Variants in IMMP2L observed in about 807,000 individuals in gnomAD.
The protein encoded by IMMP2L is inner mitochondrial membrane peptidase subunit 2.
A neutral mutation model predicts 19.3 loss-of-function variants in IMMP2L; 18 were observed. The ratio of observed to expected loss-of-function variants is 0.93; its 90% CI spans 0.64 to 1.38. The LOEUF (loss-of-function observed/expected upper bound fraction) is 1.38, where lower values mean the gene tolerates loss of function less well. Ranked by LOEUF, IMMP2L falls within the 40% of genes most tolerant of loss-of-function variation. The pLI is 0.00. For missense variants in IMMP2L, 233 were observed against 218.2 expected (o/e 1.07, Z -0.43); for synonymous variants, 76 against 73.0 (o/e 1.04, Z -0.21).
At chr7:111,344,114 A>G (rs1215068095) in intron 3 of IMMP2L, among the ~76,000 whole-genome samples, 1 of 152,134 alleles carries the variant, frequency 6.6e-6, no homozygotes. Context: ...TTATTTTAAT[A>G]TAGAGCTGTC....
chr7:111,119,235 T>C (rs945501095), intron 3 of IMMP2L, among the ~76,000 whole-genome samples: 21 of 152,186 alleles, frequency 1.4e-4, no homozygotes, highest in African/African-American at 5.1e-4. Context: ...ACCTAGGTTT[T>C]TCCTTCATTC....
chr7:110,977,673 T>TTCC (rs1554479332), intron 3 of IMMP2L, among the ~76,000 whole-genome samples: 1 of 151,938 alleles, frequency 6.6e-6, no homozygotes, highest in Non-Finnish European at 1.5e-5. Context: ...CTCTCTTTCC[T>TTCC]TCCCTCCCTC....
chr7:110,783,513 G>A (rs148073327), intron 5 of IMMP2L, among the ~76,000 whole-genome samples: 13 of 151,718 alleles, frequency 8.6e-5, no homozygotes, highest in African/African-American at 3.1e-4. Context: ...GGATTTTAAA[G>A]AACTGAAAAA....
intron 1 of IMMP2L, among the ~76,000 whole-genome samples, chr7:111,541,480 T>C (rs138208694): frequency 6.6e-6 from 1 of 152,286 alleles, no homozygotes; most frequent in African/African-American, 2.4e-5. Context: ...TAAGCACCAA[T>C]AATAGTAAAT....
intron 3 of IMMP2L, among the ~76,000 whole-genome samples, chr7:111,281,241 AAAG>A (rs1185419125): frequency 2.2e-5 from 3 of 137,452 alleles, no homozygotes; most frequent in East Asian, 4.1e-4. Flanking sequence ...AGAAAGAAAG[AAAG>A]AAGAGAGAGA....
chr7:111,446,795 G>A (rs1350923975), intron 3 of IMMP2L, among the ~76,000 whole-genome samples: 1 of 152,060 alleles, frequency 6.6e-6, no homozygotes, highest in East Asian at 1.9e-4. Flanking sequence ...AGGCAAAGAA[G>A]TTGAAAACTT....
chr7:111,086,362 C>A (rs1027875891), intron 3 of IMMP2L, among the ~76,000 whole-genome samples: 7 of 151,888 alleles, frequency 4.6e-5, no homozygotes, highest in Non-Finnish European at 8.8e-5. Context: ...AACATTTGAG[C>A]CCAGGATTTC....
At chr7:110,823,106 G>GTTTTTAATGTAAT (rs1231738024) in intron 5 of IMMP2L, among the ~76,000 whole-genome samples, 1 of 152,042 alleles carries the variant, frequency 6.6e-6, no homozygotes, top group Non-Finnish European at 1.5e-5. Flanking sequence ...ATGTTTATGA[G>GTTTTTAATGTAAT]TTTTTAATGT....
chr7:111,420,281 ACT>A (rs1388438113), intron 3 of IMMP2L, among the ~76,000 whole-genome samples: 1 of 151,798 alleles, frequency 6.6e-6, no homozygotes, highest in Non-Finnish European at 1.5e-5. Context: ...CTAAGTTGTG[ACT>A]CTGTGAGCAC....
chr7:111,197,336 G>C (rs1166904085), intron 3 of IMMP2L, among the ~76,000 whole-genome samples: 1 of 151,968 alleles, frequency 6.6e-6, no homozygotes, highest in African/African-American at 2.4e-5. Flanking sequence ...GGTGGCGGGC[G>C]CCTGTAGTCC....
chr7:110,815,360 C>T (rs1177044211), intron 5 of IMMP2L, among the ~76,000 whole-genome samples: 7 of 151,910 alleles, frequency 4.6e-5, no homozygotes, highest in South Asian at 2.1e-4. Context: ...CTGCTGGATT[C>T]GGTTTGCCAG....
intron 2 of IMMP2L, among the ~76,000 whole-genome samples, chr7:111,492,640 T>G (rs531053872): frequency 1.8e-4 from 28 of 152,286 alleles, no homozygotes; most frequent in African/African-American, 6.5e-4. Context: ...CTTTCCCTTA[T>G]AGAATCACTC....
chr7:110,744,219 A>C (rs536413612), intron 5 of IMMP2L, among the ~76,000 whole-genome samples: 1 of 152,286 alleles, frequency 6.6e-6, no homozygotes, highest in South Asian at 2.1e-4. Context: ...TGAGCAGGGA[A>C]TCTCTGAAAA....
chr7:110,693,828 T>A (rs1793677498), intron 5 of IMMP2L, among the ~76,000 whole-genome samples: 1 of 152,008 alleles, frequency 6.6e-6, no homozygotes, highest in Non-Finnish European at 1.5e-5. Context: ...CTGAAATCAG[T>A]TTTGTTTTGT....
Position 111,521,456 on chromosome 7 carries a change from A to C in IMMP2L, c.-2-7T>G. The C allele has an allele frequency of 3.8e-6, 6 of 1,589,044 alleles. No homozygotes were observed. Among genetic ancestry groups the C allele is most frequent in the Non-Finnish European group, 5.1e-6 (6 of 1,170,122 alleles). On this transcript the variant is annotated splice_region_variant and splice_polypyrimidine_tract_variant and intron_variant, in intron 1 of 5. Transcript: ENST00000405709. ...CCTTGTGACTGTGCCATACCTAAAA[A>C]TACAAAGAAAACAACTATGAAATTA...
intron 3 of IMMP2L, among the ~76,000 whole-genome samples, chr7:111,200,266 TTAGAA>T (rs1202830149): frequency 6.6e-6 from 1 of 152,128 alleles, no homozygotes; most frequent in Non-Finnish European, 1.5e-5. Flanking sequence ...TTGTCTTTTC[TTAGAA>T]TAAAGCATAA....
chr7:110,945,494 G>A (rs1157187996), intron 4 of IMMP2L, among the ~76,000 whole-genome samples: 1 of 151,850 alleles, frequency 6.6e-6, no homozygotes, highest in Non-Finnish European at 1.5e-5. Flanking sequence ...CATGCCTCAC[G>A]GTAAAGTATC....
Position 110,662,937 on chromosome 7 carries a change from C to T in IMMP2L, c.*665G>A, listed in dbSNP as rs1332709642. 1 of 152,276 alleles carries T rather than the reference C, an allele frequency of 6.6e-6. No homozygotes were observed. Among genetic ancestry groups the T allele is most frequent in the East Asian group, 1.9e-4 (1 of 5,206 alleles). The allele number at this position is 152,276 out of a possible 1,614,324, so 9.4% of individuals were successfully genotyped here. ...CCAATAAGAAAGGCTTGACTGTATG[C>T]AAGTGTCGACAGAATGGGTTCTCCA... On this transcript the variant is annotated 3_prime_UTR_variant, in exon 6 of 6. Coordinates refer to ENST00000405709, the MANE Select transcript of IMMP2L (RefSeq NM_032549.4).
At chr7:110,840,401 A>G (rs1804952032) in intron 5 of IMMP2L, among the ~76,000 whole-genome samples, 1 of 152,118 alleles carries the variant, frequency 6.6e-6, no homozygotes, top group Non-Finnish European at 1.5e-5. Context: ...AGGCTCTATA[A>G]CATATAAAAA....
Sources: allele counts gnomAD v4.1 joint callset (sites outside exome capture counted in the v4.1 genomes callset), GRCh38; gene constraint gnomAD v4.1.1; transcripts MANE v1.5; gene names NCBI Gene and HGNC (gene_info 2026-07-23, HGNC 2026-07-21).